Variants in CCSER2 observed in about 807,000 individuals in gnomAD.
CCSER2 encodes the protein serine-rich coiled-coil domain-containing protein 2.
In CCSER2, 46 loss-of-function variants were observed where a neutral mutation model predicts 92.3. That is an observed-to-expected ratio of 0.50 (90% CI 0.39 to 0.64). The LOEUF is 0.64. Among genes scored for constraint, CCSER2 ranks in the 30% least tolerant of loss-of-function variants. The pLI is 0.00. For missense variants in CCSER2, 1,244 were observed against 1,238.9 expected, an observed-to-expected ratio of 1.00 and a Z score of -0.06; for synonymous variants, 433 against 431.4, an observed-to-expected ratio of 1.00 and a Z score of -0.04.
chr10:84,374,441 T>G (rs1442126898), intron 3 of CCSER2, among the ~76,000 whole-genome samples: 1 of 152,196 alleles, frequency 6.6e-6, no homozygotes, highest in Non-Finnish European at 1.5e-5. Flanking sequence ...TTGACCATCT[T>G]TTGAGGTCCC....
intron 3 of CCSER2, among the ~76,000 whole-genome samples, chr10:84,405,024 T>C (rs1438311586): frequency 6.6e-5 from 10 of 152,166 alleles, no homozygotes; most frequent in African/African-American, 2.4e-4. Context: ...AGTACCAATA[T>C]GTTTTGTTGG....
chr10:84,358,220 A>G (rs1845295949), intron 1 of CCSER2, among the ~76,000 whole-genome samples: 1 of 152,196 alleles, frequency 6.6e-6, no homozygotes, highest in African/African-American at 2.4e-5. Context: ...TAACCTGGTT[A>G]TCTTTTCTTG....
chr10:84,463,070 T>C (rs1316835485), intron 6 of CCSER2, among the ~76,000 whole-genome samples: 1 of 152,202 alleles, frequency 6.6e-6, no homozygotes, highest in Non-Finnish European at 1.5e-5. Context: ...CACTGGTTCA[T>C]TTTTCTTGAG....
chr10:84,414,330 C>A (rs1052055767), intron 3 of CCSER2, among the ~76,000 whole-genome samples: 1 of 152,126 alleles, frequency 6.6e-6, no homozygotes, highest in Non-Finnish European at 1.5e-5. Context: ...GGAGCTCTTG[C>A]AAAGCAGACT....
At chr10:84,411,888 G>T (rs1439531582) in intron 3 of CCSER2, among the ~76,000 whole-genome samples, 1 of 152,136 alleles carries the variant, frequency 6.6e-6, no homozygotes, top group Non-Finnish European at 1.5e-5. Flanking sequence ...TCTTGTGCTG[G>T]TTTTCAAGGG....
chr10:84,440,018 T>C (rs983042924), intron 6 of CCSER2, among the ~76,000 whole-genome samples: 9 of 152,166 alleles, frequency 5.9e-5, no homozygotes, highest in African/African-American at 2.2e-4. Flanking sequence ...TACCATCTTT[T>C]GTGTTTGGGT....
intron 4 of CCSER2, among the ~76,000 whole-genome samples, chr10:84,420,779 A>G (rs1843103592): frequency 6.6e-6 from 1 of 151,980 alleles, no homozygotes; most frequent in African/African-American, 2.4e-5. Context: ...TAAAAACACA[A>G]AAAATTAGCC....
chr10:84,356,276 A>C (rs1264055346), intron 1 of CCSER2, among the ~76,000 whole-genome samples: 1 of 152,102 alleles, frequency 6.6e-6, no homozygotes, highest in Non-Finnish European at 1.5e-5. Flanking sequence ...AACTTTAGTC[A>C]CTTTGGTATT....
intron 1 of CCSER2, among the ~76,000 whole-genome samples, chr10:84,354,440 T>C (rs1255464762): frequency 6.6e-6 from 1 of 152,162 alleles, no homozygotes; most frequent in Admixed American, 6.5e-5. Context: ...AGTTTACTTA[T>C]ATGTGGAATT....
At chr10:84,399,505 C>T (rs753407142) in intron 3 of CCSER2, among the ~76,000 whole-genome samples, 12 of 152,004 alleles carry the variant, frequency 7.9e-5, no homozygotes, top group South Asian at 2.1e-4. Flanking sequence ...GATTAGAAGT[C>T]GGGATGAGTG....
chr10:84,417,860 T>A lies in CCSER2; in HGVS notation c.1704T>A (p.Asn568Lys). 6.6e-7 allele frequency: 1 copy of A among 1,515,956 alleles called. No individual in the cohort carries two copies. Among genetic ancestry groups the A allele is most frequent in the Non-Finnish European group, 9.2e-7 (1 of 1,090,772 alleles). 93.9% of individuals were successfully genotyped at this position (1,515,956 alleles called of 1,614,324 possible). The part of the protein sequence containing the change: ...VDLPEDAPLE[N>K]VECDNMNRFD... ...TGCCTGAGGATGCACCTCTTGAAAA[T>A]GGTAAGTTGAGACAATATTGAACCT... The change falls in exon 4 of 10, where the codon AAT (asparagine) becomes AAA (lysine). Residue 568 changes from asparagine to lysine, a missense_variant and splice_region_variant. Transcript: ENST00000372088.
At chr10:84,455,444 T>G in intron 6 of CCSER2, 1 of 243,344 alleles carries the variant, frequency 4.1e-6, no homozygotes, top group Non-Finnish European at 8.1e-6. Flanking sequence ...TGTGGCTAAT[T>G]TTTGTACTTT....
chr10:84,468,867 C>A (rs1044266823), intron 7 of CCSER2, among the ~76,000 whole-genome samples: 7 of 152,028 alleles, frequency 4.6e-5, no homozygotes, highest in Admixed American at 4.6e-4. Flanking sequence ...TATATTTGTC[C>A]AAAAAGGTTA....
Position 84,362,813 on chromosome 10 carries a change from A to G in CCSER2, c.-39-8201A>G, listed in dbSNP as rs541375221. On this transcript the variant is annotated intron_variant, in intron 1 of 9. Transcript: ENST00000372088. Reference sequence around the variant, plus strand: ...TGTCATTTTTGCTTATTTAATTGGTATTTTATTTTATTTTATTTTAATTTA... The same window carrying G: ...TGTCATTTTTGCTTATTTAATTGGTGTTTTATTTTATTTTATTTTAATTTA... Among the ~76,000 whole-genome samples, 32 of 151,670 alleles carry G rather than the reference A, an allele frequency of 2.1e-4. No individual in the cohort carries two copies. The South Asian group carries it at 6.0e-3, about 29-fold the overall frequency.
At chr10:84,443,524 A>G (rs1564669542) in intron 6 of CCSER2, among the ~76,000 whole-genome samples, 1 of 152,220 alleles carries the variant, frequency 6.6e-6, no homozygotes, top group Non-Finnish European at 1.5e-5. Flanking sequence ...AGAAATAGGA[A>G]CACTTTTACA....
chr10:84,481,313 C>T (rs1005073850), intron 9 of CCSER2, among the ~76,000 whole-genome samples: 1 of 151,986 alleles, frequency 6.6e-6, no homozygotes, highest in Non-Finnish European at 1.5e-5. Flanking sequence ...GCCTGAAAAC[C>T]ATTTTATCAT....
chr10:84,342,790 A>G (rs1343928094), intron 1 of CCSER2, among the ~76,000 whole-genome samples: 1 of 152,152 alleles, frequency 6.6e-6, no homozygotes, highest in Non-Finnish European at 1.5e-5. Flanking sequence ...ATAGTTCTTA[A>G]TTGTTAAATC....
intron 3 of CCSER2, among the ~76,000 whole-genome samples, chr10:84,382,145 A>G (rs765647377): frequency 1.3e-5 from 2 of 152,182 alleles, no homozygotes; most frequent in Admixed American, 6.5e-5. Flanking sequence ...TGTATGCTGA[A>G]TCCTTTGACT....
chr10:84,513,432 G>A lies in CCSER2; in HGVS notation c.2326-17G>A, dbSNP rs963696230. On this transcript the variant is annotated splice_polypyrimidine_tract_variant and intron_variant, in intron 9 of 9. Transcript: ENST00000372088. ...TTTCTAAGAACTTGCTGCTAATGTT[G>A]TTTTTAATTTTAACAGCCTCAAGTA... is the stretch of plus-strand genomic sequence containing the variant. 3 of 1,555,378 alleles carry A rather than the reference G, an allele frequency of 1.9e-6. No homozygotes were observed. Among genetic ancestry groups the A allele is most frequent in the Non-Finnish European group, 2.6e-6 (3 of 1,148,666 alleles).
Sources: allele counts gnomAD v4.1 joint callset (sites outside exome capture counted in the v4.1 genomes callset), GRCh38; gene constraint gnomAD v4.1.1; transcripts MANE v1.5; gene names NCBI Gene and HGNC (gene_info 2026-07-23, HGNC 2026-07-21).